PFKFB3: variants seen among roughly 807,000 people sequenced by gnomAD.
The protein encoded by PFKFB3 is 6-phosphofructo-2-kinase/fructose-2,6-bisphosphatase 3.
In PFKFB3, 33 loss-of-function variants were observed where a neutral mutation model predicts 68.0. The observed-to-expected ratio is 0.49, with a 90% CI of 0.37 to 0.65. The LOEUF (loss-of-function observed/expected upper bound fraction) is 0.65. Ranked by LOEUF, PFKFB3 falls within the 30% of genes least tolerant of loss-of-function variation. The pLI, the probability that PFKFB3 is intolerant of heterozygous loss-of-function variation, is 0.00. For missense variants in PFKFB3, 586 were observed against 712.2 expected (o/e 0.82, Z 2.02); for synonymous variants, 315 against 288.2 (o/e 1.09, Z -0.94).
intron 1 of PFKFB3, among the ~76,000 whole-genome samples, chr10:6,147,784 A>ACCTGACGGGGTGGTCCATACAGGGGAG (rs1841439105): frequency 6.7e-6 from 1 of 148,824 alleles, no homozygotes; most frequent in Non-Finnish European, 1.5e-5. Context: ...CATACAGGGG[A>ACCTGACGGGGTGGTCCATACAGGGGAG]CCTGACGGGG....
At chr10:6,309,884 A>G in the PFKFB3 span, among the ~76,000 whole-genome samples, 1 of 152,128 alleles carries the variant, frequency 6.6e-6, no homozygotes, top group Non-Finnish European at 1.5e-5. Context: ...TGAATACAAC[A>G]TTTTTTAAAA....
At chr10:6,195,125 G>T (rs538657195) in intron 1 of PFKFB3, among the ~76,000 whole-genome samples, 2 of 152,290 alleles carry the variant, frequency 1.3e-5, no homozygotes, top group South Asian at 4.1e-4. Context: ...GCCTGCCTCA[G>T]CCTCCCAAAG....
chr10:6,156,317 C>CT (rs1040205353), intron 1 of PFKFB3, among the ~76,000 whole-genome samples: 36 of 149,896 alleles, frequency 2.4e-4, no homozygotes, highest in African/African-American at 7.6e-4. Context: ...CCACAGTCTG[C>CT]TTTTTTTTTC....
At chr10:6,322,688 C>A in the PFKFB3 span, among the ~76,000 whole-genome samples, 1 of 152,210 alleles carries the variant, frequency 6.6e-6, no homozygotes, top group African/African-American at 2.4e-5. Flanking sequence ...ACCTCAAGGT[C>A]TTTAATGGAC....
the PFKFB3 span, among the ~76,000 whole-genome samples, chr10:6,296,836 C>A: frequency 6.6e-6 from 1 of 152,202 alleles, no homozygotes; most frequent in African/African-American, 2.4e-5. Flanking sequence ...GTTTTATCAG[C>A]AAGGTCTTCA....
chr10:6,266,377 G>T, the PFKFB3 span, among the ~76,000 whole-genome samples: 1 of 152,070 alleles, frequency 6.6e-6, no homozygotes, highest in Non-Finnish European at 1.5e-5. Context: ...TGAGGACGTC[G>T]TTGATTTCTA....
the PFKFB3 span, among the ~76,000 whole-genome samples, chr10:6,268,948 AG>A: frequency 6.7e-6 from 1 of 148,720 alleles, no homozygotes. Context: ...ACCTGAGCCC[AG>A]GAAGTTGAGG....
chr10:6,219,244 C>T (rs1020696918), intron 6 of PFKFB3, among the ~76,000 whole-genome samples: 12 of 152,308 alleles, frequency 7.9e-5, no homozygotes, highest in African/African-American at 2.2e-4. Flanking sequence ...TTGAGTTCAG[C>T]GCCAGGCTGT....
intron 14 of PFKFB3, among the ~76,000 whole-genome samples, chr10:6,227,052 C>T (rs1277342358): frequency 2.0e-5 from 3 of 151,948 alleles, no homozygotes; most frequent in Non-Finnish European, 2.9e-5. Context: ...TGCCACTGCA[C>T]TCCAGCCTGG....
At chr10:6,272,701 A>G in the PFKFB3 span, among the ~76,000 whole-genome samples, 13 of 152,092 alleles carry the variant, frequency 8.5e-5, no homozygotes, top group African/African-American at 2.9e-4. Flanking sequence ...TCTCAAAAAA[A>G]AGAAAAAAGA....
At chr10:6,311,199 T>C in the PFKFB3 span, among the ~76,000 whole-genome samples, 7 of 152,156 alleles carry the variant, frequency 4.6e-5, no homozygotes, top group Non-Finnish European at 8.8e-5. Context: ...AAAAGAGACA[T>C]TCACAGCCCT....
At chr10:6,297,531 G>T in the PFKFB3 span, among the ~76,000 whole-genome samples, 1 of 151,998 alleles carries the variant, frequency 6.6e-6, no homozygotes, top group African/African-American at 2.4e-5. Context: ...GGCATCCTGT[G>T]GTCGTGGCAC....
chr10:6,236,329 G>T (rs1430337525), downstream of PFKFB3, among the ~76,000 whole-genome samples: 1 of 152,226 alleles, frequency 6.6e-6, no homozygotes, highest in Non-Finnish European at 1.5e-5. Flanking sequence ...GATGGGGCAG[G>T]GTTCAGGGTG....
At chr10:6,180,782 T>C (rs529279110) in intron 1 of PFKFB3, among the ~76,000 whole-genome samples, 20 of 152,338 alleles carry the variant, frequency 1.3e-4, no homozygotes, top group African/African-American at 4.8e-4. Flanking sequence ...ATATAGTTTA[T>C]CACCAATGTA....
chr10:6,286,749 T>G, the PFKFB3 span, among the ~76,000 whole-genome samples: 1 of 152,260 alleles, frequency 6.6e-6, no homozygotes, highest in Non-Finnish European at 1.5e-5. Context: ...GGGTTTAATA[T>G]CTACTGTATT....
intron 1 of PFKFB3, among the ~76,000 whole-genome samples, chr10:6,159,783 T>TTATC (rs1841919296): frequency 6.6e-6 from 1 of 152,010 alleles, no homozygotes; most frequent in Admixed American, 6.6e-5. Flanking sequence ...ATTTATTTAC[T>TTATC]TATTGAAACA....
rs551814051 is a variant in PFKFB3 at position 6,226,392 on chromosome 10, C to A, written c.1515+27C>A. On this transcript the variant is annotated intron_variant, in intron 14 of 14. Coordinates refer to ENST00000379775, the MANE Select transcript of PFKFB3 (RefSeq NM_004566.4). ...TCAGTGCACTCCCCTTTCCTTCCTGCCTGGGGGACGCATGCCGGGCGTGAT... is the reference window on the plus strand; with the variant it reads ...TCAGTGCACTCCCCTTTCCTTCCTGACTGGGGGACGCATGCCGGGCGTGAT... The A allele has an allele frequency of 2.5e-6, 4 of 1,576,652 alleles. No homozygotes were observed. The African/African-American group carries it at 5.4e-5, about 21-fold the overall frequency.
the PFKFB3 span, among the ~76,000 whole-genome samples, chr10:6,272,836 C>A: frequency 6.6e-6 from 1 of 152,096 alleles, no homozygotes; most frequent in Non-Finnish European, 1.5e-5. Flanking sequence ...CTCTTGAGAA[C>A]AGGGTCAGAT....
chr10:6,249,643 C>G (rs1846333023), intron 14 of PFKFB3, among the ~76,000 whole-genome samples: 1 of 152,108 alleles, frequency 6.6e-6, no homozygotes, highest in African/African-American at 2.4e-5. Flanking sequence ...AACAGTCAAA[C>G]TCAAAGAAGC....
Sources: allele counts gnomAD v4.1 joint callset (sites outside exome capture counted in the v4.1 genomes callset), GRCh38; gene constraint gnomAD v4.1.1; transcripts MANE v1.5; gene names NCBI Gene and HGNC (gene_info 2026-07-23, HGNC 2026-07-21).